The following ADAM23 variants were observed in gnomAD, a reference collection of about 807,000 sequenced individuals.
The protein encoded by ADAM23 is ADAM metallopeptidase domain 23, also known as disintegrin and metalloproteinase domain-containing protein 23.
Under a neutral mutation model 120.1 loss-of-function variants are expected in ADAM23, and 33 were observed. The ratio of observed to expected loss-of-function variants is 0.27; its 90% confidence interval spans 0.21 to 0.37. ADAM23 has a LOEUF of 0.37. Ranked by LOEUF, ADAM23 falls within the 10% of genes least tolerant of loss-of-function variation. ADAM23 has a pLI of 1.00. For missense variants in ADAM23, 862 were observed against 1,058.2 expected, an observed-to-expected ratio of 0.81 and a Z score of 2.57; for synonymous variants, 367 against 375.2, an observed-to-expected ratio of 0.98 and a Z score of 0.25.
chr2:206,523,738 A>G (rs1474236365), intron 3 of ADAM23, among the ~76,000 whole-genome samples: 1 of 152,202 alleles, frequency 6.6e-6, no homozygotes, highest in African/African-American at 2.4e-5. Context: ...TGTAGGATAC[A>G]AGCTTATGTT....
In ADAM23 at chr2:206,588,303, T is replaced by C. The variant is rs574296497; in HGVS notation, c.1852+149T>C. 18 of 877,620 alleles carry C rather than the reference T, an allele frequency of 2.1e-5. No individual in the cohort carries two copies. The African/African-American group carries it at 3.1e-4, about 15-fold the overall frequency. The allele number at this position is 877,620 out of a possible 1,614,324, so 54.4% of individuals were successfully genotyped here. A position where few individuals can be genotyped will look rare whatever the true frequency, so the allele number is the denominator to read the frequency against. ...ATGAGAATAAAGAGAACTGTGAATCTTAGTCACAAAAACTATAGAAAACAA... is the reference window on the plus strand; with the variant it reads ...ATGAGAATAAAGAGAACTGTGAATCCTAGTCACAAAAACTATAGAAAACAA... On this transcript the variant is annotated intron_variant, in intron 20 of 25. Transcript: ENST00000264377.
intron 2 of ADAM23, among the ~76,000 whole-genome samples, chr2:206,469,334 T>A (rs1574483504): frequency 6.6e-6 from 1 of 152,138 alleles, no homozygotes; most frequent in African/African-American, 2.4e-5. Context: ...GGCCAGACAT[T>A]TTAGAGTTTT....
chr2:206,526,152 A>ACACG (rs202011682), intron 3 of ADAM23, among the ~76,000 whole-genome samples: 1 of 148,466 alleles, frequency 6.7e-6, no homozygotes, highest in East Asian at 2.0e-4. Flanking sequence ...ACACACACAC[A>ACACG]CACACACACA....
chr2:206,469,183 T>A (rs1401557787), intron 2 of ADAM23, among the ~76,000 whole-genome samples: 1 of 152,172 alleles, frequency 6.6e-6, no homozygotes, highest in African/African-American at 2.4e-5. Flanking sequence ...ATTCTTTATA[T>A]CTAACTGCCT....
At chr2:206,607,909 A>G (rs1301005751) in intron 24 of ADAM23, 2 of 419,802 alleles carry the variant, frequency 4.8e-6, no homozygotes, top group East Asian at 7.2e-5. Context: ...TCCTTAGTTT[A>G]TAAGTCAGGA....
At chr2:206,543,074 G>C (rs961373251) in intron 5 of ADAM23, among the ~76,000 whole-genome samples, 179 bp from the exon 6 acceptor site, 1 of 152,190 alleles carries the variant, frequency 6.6e-6, no homozygotes, top group Non-Finnish European at 1.5e-5. Context: ...CTGCCTAATA[G>C]AGTGCTGGGG....
At chr2:206,486,824 A>G (rs987724960) in intron 3 of ADAM23, among the ~76,000 whole-genome samples, 36 of 152,066 alleles carry the variant, frequency 2.4e-4, no homozygotes, top group African/African-American at 7.2e-4. Flanking sequence ...TATCACCACA[A>G]TCTAATTCTA....
chr2:206,491,421 A>G (rs530715092), intron 3 of ADAM23, among the ~76,000 whole-genome samples: 1 of 152,324 alleles, frequency 6.6e-6, no homozygotes, highest in South Asian at 2.1e-4. Flanking sequence ...TACACTGTTT[A>G]TCTTACCTAG....
At chr2:206,593,628 A>G (rs1199833816) in intron 22 of ADAM23, among the ~76,000 whole-genome samples, 1 of 152,128 alleles carries the variant, frequency 6.6e-6, no homozygotes, top group African/African-American at 2.4e-5. Flanking sequence ...CCCTCCTGGA[A>G]TAAATTTGTA....
intron 3 of ADAM23, among the ~76,000 whole-genome samples, chr2:206,524,730 G>A (rs1249204567): frequency 1.3e-5 from 2 of 152,160 alleles, no homozygotes; most frequent in African/African-American, 4.8e-5. Context: ...ACAGTATCAG[G>A]GAAACTGCCT....
intron 25 of ADAM23, among the ~76,000 whole-genome samples, chr2:206,615,347 G>A (rs75631427): frequency 2.0e-3 from 298 of 152,270 alleles, no homozygotes; most frequent in East Asian, 0.014. Flanking sequence ...CCTAGTGAGC[G>A]GAGGGTATTC....
rs181570363 is a variant in ADAM23, at chr2:206,600,158, C to T, written c.2359+3996C>T. ...CAGAGCTTGCAGTGAGCTGAGATCGCGACACTGCACTCCAACCTGGGCAAC... is the reference window on the plus strand; with the variant it reads ...CAGAGCTTGCAGTGAGCTGAGATCGTGACACTGCACTCCAACCTGGGCAAC... On this transcript the variant is annotated intron_variant, in intron 24 of 25. Coordinates refer to ENST00000264377, the MANE Select transcript of ADAM23 (RefSeq NM_003812.4). Among the ~76,000 whole-genome samples the T allele has an allele frequency of 1.1e-4, 17 of 152,208 alleles. No homozygotes were observed. The East Asian group carries it at 2.1e-3, about 19-fold the overall frequency.
intron 2 of ADAM23, 31 bp downstream of exon 2, chr2:206,445,555 C>T: frequency 1.3e-6 from 2 of 1,562,800 alleles, no homozygotes; most frequent in Non-Finnish European, 1.7e-6. Flanking sequence ...GCAAAAGTAA[C>T]TATCATGAAG....
At chr2:206,611,966 T>C (rs1431306608) in intron 25 of ADAM23, among the ~76,000 whole-genome samples, 1 of 152,190 alleles carries the variant, frequency 6.6e-6, no homozygotes, top group Non-Finnish European at 1.5e-5. Context: ...ACTGCTGAGC[T>C]GAGTCAAAGC....
intron 3 of ADAM23, among the ~76,000 whole-genome samples, chr2:206,484,584 G>T (rs1695967810): frequency 6.6e-6 from 1 of 152,116 alleles, no homozygotes; most frequent in South Asian, 2.1e-4. Context: ...TGAATAACTT[G>T]CATAGTTAAG....
chr2:206,527,033 C>G (rs967605367), intron 3 of ADAM23, among the ~76,000 whole-genome samples: 4 of 152,154 alleles, frequency 2.6e-5, no homozygotes, highest in African/African-American at 9.7e-5. Context: ...ATAAAGGTCA[C>G]TCCTCTTTCA....
intron 3 of ADAM23, among the ~76,000 whole-genome samples, chr2:206,529,376 G>GTTAT (rs969704998): frequency 6.6e-6 from 1 of 152,018 alleles, no homozygotes; most frequent in Non-Finnish European, 1.5e-5. Context: ...CTTAACCTTT[G>GTTAT]TTATTTATTT....
At chr2:206,557,552 T>G in intron 10 of ADAM23, 54 bp downstream of exon 10, 2 of 1,455,266 alleles carry the variant, frequency 1.4e-6, no homozygotes, top group Non-Finnish European at 1.9e-6. Flanking sequence ...GGTTTATCTC[T>G]ATTTGCTTAC....
chr2:206,595,235 A>T (rs866019377), intron 23 of ADAM23, among the ~76,000 whole-genome samples: 30 of 152,320 alleles, frequency 2.0e-4, no homozygotes, highest in Admixed American at 4.6e-4. Context: ...CAATCATGGT[A>T]TTAGAATATT....
Sources: allele counts gnomAD v4.1 joint callset (sites outside exome capture counted in the v4.1 genomes callset), GRCh38; gene constraint gnomAD v4.1.1; transcripts MANE v1.5; gene names NCBI Gene and HGNC (gene_info 2026-07-23, HGNC 2026-07-21).